Variants in OSBPL8 observed in about 807,000 individuals in gnomAD.
OSBPL8 encodes the protein oxysterol-binding protein-related protein 8.
OSBPL8 carries 59 observed loss-of-function variants against 125.5 expected under a neutral mutation model. The observed-to-expected ratio is 0.47, with a 90% CI of 0.38 to 0.58. The LOEUF is 0.58. Among genes scored for constraint, OSBPL8 ranks in the 20% least tolerant of loss-of-function variants. OSBPL8 has a pLI of 0.00. For missense variants in OSBPL8, 758 were observed against 1,047.8 expected, an observed-to-expected ratio of 0.72 and a Z score of 3.82; for synonymous variants, 330 against 338.9, an observed-to-expected ratio of 0.97 and a Z score of 0.29.
At chr12:76,496,471 A>T (rs903052355) in intron 1 of OSBPL8, among the ~76,000 whole-genome samples, 13 of 151,860 alleles carry the variant, frequency 8.6e-5, no homozygotes, top group African/African-American at 3.1e-4. Flanking sequence ...CCTGGGTGCA[A>T]GCAATCTTCT....
At chr12:76,403,484 A>G (rs1954133336) in intron 5 of OSBPL8, among the ~76,000 whole-genome samples, 1 of 152,212 alleles carries the variant, frequency 6.6e-6, no homozygotes, top group Admixed American at 6.5e-5. Flanking sequence ...CAAACTAACA[A>G]TCATTAACAT....
chr12:76,425,363 C>T (rs1206396798), intron 4 of OSBPL8, among the ~76,000 whole-genome samples: 1 of 152,106 alleles, frequency 6.6e-6, no homozygotes, highest in African/African-American at 2.4e-5. Flanking sequence ...ATTTATCTCC[C>T]ATGCATCTAT....
intron 4 of OSBPL8, among the ~76,000 whole-genome samples, chr12:76,428,427 T>C (rs933453673): frequency 3.9e-5 from 6 of 152,144 alleles, no homozygotes; most frequent in Admixed American, 1.3e-4. Context: ...ACATAGCAGA[T>C]ATTCTGAAAT....
chr12:76,557,167 T>A (rs559888607), intron 1 of OSBPL8, among the ~76,000 whole-genome samples: 1 of 152,340 alleles, frequency 6.6e-6, no homozygotes, highest in Non-Finnish European at 1.5e-5. Context: ...GATAAAAGTT[T>A]TCCAAATTAA....
intron 1 of OSBPL8, among the ~76,000 whole-genome samples, chr12:76,511,492 T>A (rs917863980): frequency 3.3e-5 from 5 of 152,230 alleles, no homozygotes; most frequent in Non-Finnish European, 7.3e-5. Flanking sequence ...TACTGAGCTT[T>A]TTTTCATATG....
At chr12:76,497,380 G>A (rs1346781593) in intron 1 of OSBPL8, among the ~76,000 whole-genome samples, 1 of 152,138 alleles carries the variant, frequency 6.6e-6, no homozygotes, top group Admixed American at 6.5e-5. Context: ...GCATACTTTG[G>A]TGATTCCTGG....
chr12:76,443,146 T>A (rs1451863817), intron 4 of OSBPL8, among the ~76,000 whole-genome samples: 1 of 152,214 alleles, frequency 6.6e-6, no homozygotes, highest in Non-Finnish European at 1.5e-5. Flanking sequence ...AGTTTTTGTT[T>A]TAAAAGTTTT....
At chr12:76,356,172 C>CGGGGGGGGGGG in intron 23 of OSBPL8, 151 bp from the exon 24 acceptor site, 2 of 137,272 alleles carry the variant, frequency 1.5e-5, no homozygotes, top group Non-Finnish European at 2.8e-5. Flanking sequence ...TGGGGGGGGG[C>CGGGGGGGGGGG]GGGGTCTGGG....
At chr12:76,431,175 T>G (rs1193172815) in intron 4 of OSBPL8, among the ~76,000 whole-genome samples, 6 of 151,772 alleles carry the variant, frequency 4.0e-5, no homozygotes, top group Admixed American at 3.9e-4. Context: ...TGTTATTAGC[T>G]TAAAATAGAC....
chr12:76,479,697 A>G (rs928728850), intron 2 of OSBPL8, among the ~76,000 whole-genome samples: 6 of 152,234 alleles, frequency 3.9e-5, no homozygotes, highest in African/African-American at 4.8e-5. Flanking sequence ...GGACTGATGA[A>G]CACCTTAAAC....
At chr12:76,460,068 T>C (rs1874531805) in intron 2 of OSBPL8, among the ~76,000 whole-genome samples, 173 bp from the exon 3 acceptor site, 1 of 152,194 alleles carries the variant, frequency 6.6e-6, no homozygotes, top group Non-Finnish European at 1.5e-5. Flanking sequence ...TACAAGAAAC[T>C]TCCTTTTCCA....
chr12:76,463,599 C>T (rs912918238), intron 2 of OSBPL8, among the ~76,000 whole-genome samples: 14 of 152,076 alleles, frequency 9.2e-5, no homozygotes, highest in Non-Finnish European at 1.8e-4. Context: ...GATAAAAGAA[C>T]AGGCCCTAGA....
At position 76,358,693 on chromosome 12, in the gene OSBPL8, T is replaced by C; in HGVS notation, c.2434+13A>G. On this transcript the variant is annotated intron_variant, in intron 22 of 23. Transcript: ENST00000261183. ...AAGTTAGACTCTCATTAGTCTGCAA[T>C]AAATATTTTTACCTTCACTTCCAGA... 6.3e-7 allele frequency: 1 copy of C among 1,579,394 alleles called. No homozygotes were observed. Among genetic ancestry groups the C allele is most frequent in the Non-Finnish European group, 8.7e-7 (1 of 1,148,680 alleles).
At chr12:76,509,358 C>T (rs965636006) in intron 1 of OSBPL8, among the ~76,000 whole-genome samples, 3 of 152,108 alleles carry the variant, frequency 2.0e-5, no homozygotes, top group African/African-American at 7.2e-5. Flanking sequence ...TGTTAAGTGA[C>T]CCATCACTGT....
chr12:76,422,067 A>C lies in OSBPL8; in HGVS notation c.218-11433T>G, dbSNP rs570505340. On this transcript the variant is annotated intron_variant, in intron 4 of 23. Transcript: ENST00000261183. ...AAAAAGATTAAGATAATAAAGTGGTAAGATTAAAGCTTACATTAAACATCA... is the reference window on the plus strand; with the variant it reads ...AAAAAGATTAAGATAATAAAGTGGTCAGATTAAAGCTTACATTAAACATCA... Among the ~76,000 whole-genome samples the C allele has an allele frequency of 3.9e-5, 6 of 152,246 alleles. No individual in the cohort carries two copies. The South Asian group carries it at 1.2e-3, about 32-fold the overall frequency.
intron 1 of OSBPL8, among the ~76,000 whole-genome samples, chr12:76,547,672 G>GA (rs2068936430): frequency 6.6e-6 from 1 of 152,098 alleles, no homozygotes; most frequent in South Asian, 2.1e-4. Flanking sequence ...CACCCATCTA[G>GA]ATACACTTGA....
Position 76,532,688 on chromosome 12 carries a change from T to C in OSBPL8, c.-68+26709A>G, listed in dbSNP as rs1950379762. Among the ~76,000 whole-genome samples the C allele has an allele frequency of 2.0e-5, 3 of 151,326 alleles. No individual in the cohort carries two copies. In the South Asian group the frequency reaches 6.3e-4, roughly 32 times the overall value. On this transcript the variant is annotated intron_variant, in intron 1 of 23. Coordinates refer to ENST00000261183, the MANE Select transcript of OSBPL8 (RefSeq NM_020841.5). Reference sequence around the variant, plus strand: ...CCTCCAACATATGCAATCTTGGTACTCCACGCTCTCCTAGCAAAAGGAGTG... The same window carrying C: ...CCTCCAACATATGCAATCTTGGTACCCCACGCTCTCCTAGCAAAAGGAGTG...
At chr12:76,361,578 G>T (rs1486346011) in intron 21 of OSBPL8, among the ~76,000 whole-genome samples, 1 of 152,106 alleles carries the variant, frequency 6.6e-6, no homozygotes, top group Non-Finnish European at 1.5e-5. Flanking sequence ...TATTTACGCT[G>T]CTGATAAAGA....
rs187092552 is a variant in OSBPL8, at chr12:76,370,938, A to G, written c.2054+510T>C. On this transcript the variant is annotated intron_variant, in intron 19 of 23. Coordinates refer to ENST00000261183, the MANE Select transcript of OSBPL8 (RefSeq NM_020841.5). ...TATACAATATTTCTGATTCAAAAAT[A>G]TAAGCCATCTAGCAAGAAGTTCATG... Among the ~76,000 whole-genome samples the G allele has an allele frequency of 1.1e-3, 171 of 152,348 alleles. 1 individual carries two copies. The highest frequency in any genetic ancestry group is 2.0e-3 in the Non-Finnish European group (133 of 68,016).
Sources: gnomAD v4.1 joint callset for allele counts (sites outside exome capture counted in the v4.1 genomes callset) on GRCh38, gnomAD v4.1.1 for gene constraint, MANE v1.5 for transcripts, NCBI Gene and HGNC (gene_info 2026-07-23, HGNC 2026-07-21) for gene names.